METTL15: variants seen among roughly 807,000 people sequenced by gnomAD.
METTL15 encodes the protein 12S rRNA N(4)-cytidine methyltransferase METTL15.
A neutral mutation model predicts 38.3 loss-of-function variants in METTL15; 34 were observed. The ratio of observed to expected loss-of-function variants is 0.89; its 90% CI spans 0.68 to 1.18. The LOEUF (loss-of-function observed/expected upper bound fraction) is 1.18, where lower values mean the gene tolerates loss of function less well. METTL15 is among the 50% of genes most tolerant of loss of function. The pLI is 0.00. For missense variants in METTL15, 438 were observed against 498.4 expected (o/e 0.88, Z 1.15); for synonymous variants, 162 against 170.9 (o/e 0.95, Z 0.41).
rs71449180 is a variant in METTL15, at chr11:28,506,736, CTTTTTTTTTT to C, written c.*425-19725_*425-19716del. Among the ~76,000 whole-genome samples the C allele has an allele frequency of 5.8e-4, 65 of 111,600 alleles. 1 individual carries two copies. Among genetic ancestry groups the C allele is most frequent in the South Asian group, 8.8e-4 (3 of 3,390 alleles). 73.2% of individuals were successfully genotyped at this position (111,600 alleles called of 152,430 possible). Reference sequence around the variant, plus strand: ...CTGAATTGCTAATCAATCTCAGTCTCTTTTTTTTTTTTTTTTTTTTTTTTTTGAGACAGAG... The same window carrying C: ...CTGAATTGCTAATCAATCTCAGTCTCTTTTTTTTTTTTTTTTGAGACAGAG... On this transcript the variant is annotated intron_variant and NMD_transcript_variant, in intron 6 of 7. Transcript: ENST00000532947.
chr11:28,515,899 A>G (rs1851715712), intron 6 of METTL15, among the ~76,000 whole-genome samples: 1 of 152,220 alleles, frequency 6.6e-6, no homozygotes, highest in African/African-American at 2.4e-5. Flanking sequence ...GTCTCTAGCT[A>G]AGCCTCTTCT....
chr11:28,447,639 T>C (rs1432239062), intron 6 of METTL15, among the ~76,000 whole-genome samples: 2 of 152,188 alleles, frequency 1.3e-5, no homozygotes, highest in African/African-American at 2.4e-5. Context: ...TTGTTTTACA[T>C]TGTGAGTCTT....
intron 4 of METTL15, among the ~76,000 whole-genome samples, chr11:28,274,998 A>G (rs953244046): frequency 6.6e-6 from 1 of 151,610 alleles, no homozygotes; most frequent in Non-Finnish European, 1.5e-5. Flanking sequence ...GTTTATAGTA[A>G]TATATGGCTT....
At chr11:28,340,270 C>T (rs1048351662) in intron 3 of METTL15, among the ~76,000 whole-genome samples, 2 of 151,942 alleles carry the variant, frequency 1.3e-5, no homozygotes, top group South Asian at 2.1e-4. Context: ...TCTCTAATTT[C>T]AGTTAAATTC....
chr11:28,182,736 C>T (rs184678758), intron 3 of METTL15, among the ~76,000 whole-genome samples: 9 of 151,978 alleles, frequency 5.9e-5, no homozygotes, highest in East Asian at 3.9e-4. Flanking sequence ...CTTGGCTATG[C>T]GGGGTCTTAT....
chr11:28,358,792 A>G (rs1850111378), intron 4 of METTL15, among the ~76,000 whole-genome samples: 1 of 152,260 alleles, frequency 6.6e-6, no homozygotes, highest in Admixed American at 6.5e-5. Context: ...AAATGAAACA[A>G]TGAATGAATA....
At chr11:28,227,092 T>C (rs1330396334) in intron 4 of METTL15, among the ~76,000 whole-genome samples, 1 of 151,904 alleles carries the variant, frequency 6.6e-6, no homozygotes, top group Non-Finnish European at 1.5e-5. Context: ...CCTTGTAAGC[T>C]GAAGCTGTTT....
intron 4 of METTL15, among the ~76,000 whole-genome samples, chr11:28,245,159 C>G (rs1384025550): frequency 6.6e-6 from 1 of 152,142 alleles, no homozygotes. Context: ...GACAATGGAG[C>G]TGTACAACTT....
At chr11:28,348,283 G>A (rs1436448497) in intron 3 of METTL15, among the ~76,000 whole-genome samples, 1 of 152,142 alleles carries the variant, frequency 6.6e-6, no homozygotes, top group East Asian at 1.9e-4. Flanking sequence ...TTGCCAAATG[G>A]TGAGTTTATA....
At chr11:28,134,341 A>G (rs1849441702) in intron 3 of METTL15, among the ~76,000 whole-genome samples, 1 of 152,134 alleles carries the variant, frequency 6.6e-6, no homozygotes, top group South Asian at 2.1e-4. Flanking sequence ...TGGGTTCCCT[A>G]TTTGTATAAA....
chr11:28,201,468 A>G (rs184669034), intron 3 of METTL15, among the ~76,000 whole-genome samples: 190 of 152,148 alleles, frequency 1.2e-3, no homozygotes, highest in Admixed American at 4.1e-3. Context: ...ACCAGCTCCT[A>G]TTTATACCTC....
At chr11:28,487,842 T>G (rs1055629885) in intron 6 of METTL15, among the ~76,000 whole-genome samples, 3 of 152,152 alleles carry the variant, frequency 2.0e-5, no homozygotes, top group African/African-American at 7.2e-5. Flanking sequence ...TAGAAATGTT[T>G]TCATGAATCT....
chr11:28,143,567 T>C (rs1292791148), intron 3 of METTL15, among the ~76,000 whole-genome samples: 1 of 152,172 alleles, frequency 6.6e-6, no homozygotes, highest in Non-Finnish European at 1.5e-5. Flanking sequence ...TTTACGTTGA[T>C]GTAACGGTTC....
At chr11:28,503,374 A>G (rs1406844854) in intron 6 of METTL15, among the ~76,000 whole-genome samples, 1 of 152,240 alleles carries the variant, frequency 6.6e-6, no homozygotes, top group Non-Finnish European at 1.5e-5. Context: ...TGTGCTAAAC[A>G]TAGCTAACTT....
At chr11:28,289,118 T>C (rs1856407070) in intron 4 of METTL15, among the ~76,000 whole-genome samples, 1 of 152,130 alleles carries the variant, frequency 6.6e-6, no homozygotes, top group Admixed American at 6.6e-5. Flanking sequence ...CATTTTAATT[T>C]TCCCAATAAG....
At chr11:28,475,236 C>G (rs928993498) in intron 6 of METTL15, among the ~76,000 whole-genome samples, 1 of 152,198 alleles carries the variant, frequency 6.6e-6, no homozygotes, top group Non-Finnish European at 1.5e-5. Flanking sequence ...TGAAGCTAAG[C>G]TCACAGCCAA....
intron 6 of METTL15, among the ~76,000 whole-genome samples, chr11:28,328,926 A>G (rs1849726670): frequency 6.6e-6 from 1 of 151,674 alleles, no homozygotes; most frequent in East Asian, 1.9e-4. Flanking sequence ...TCATTTCTTG[A>G]TGGTGTTGTT....
chr11:28,126,816 C>G (rs769042623), intron 3 of METTL15, among the ~76,000 whole-genome samples: 2 of 152,032 alleles, frequency 1.3e-5, no homozygotes, highest in African/African-American at 2.4e-5. Context: ...AGTAATTATT[C>G]AAGTGAATAT....
intron 4 of METTL15, among the ~76,000 whole-genome samples, chr11:28,257,259 A>G (rs1213299828): frequency 1.3e-5 from 2 of 152,044 alleles, no homozygotes; most frequent in Admixed American, 6.6e-5. Flanking sequence ...TGCTAGTTCT[A>G]TTGGAGCTCC....
Sources: allele counts gnomAD v4.1 joint callset (sites outside exome capture counted in the v4.1 genomes callset), GRCh38; gene constraint gnomAD v4.1.1; transcripts MANE v1.5; gene names NCBI Gene and HGNC (gene_info 2026-07-23, HGNC 2026-07-21).